The following RBFOX1 variants were observed in gnomAD, a reference collection of about 807,000 sequenced individuals.
RBFOX1 encodes RNA binding fox-1 homolog 1.
A neutral mutation model predicts 57.7 loss-of-function variants in RBFOX1; 8 were observed. The observed-to-expected ratio is 0.14, with a 90% CI of 0.08 to 0.25. The LOEUF (loss-of-function observed/expected upper bound fraction) is 0.25. RBFOX1 is among the 10% of genes least tolerant of loss of function. The pLI is 1.00. For missense variants in RBFOX1, 611 were observed against 548.5 expected, an observed-to-expected ratio of 1.11 and a Z score of -1.14; for synonymous variants, 326 against 222.4, an observed-to-expected ratio of 1.47 and a Z score of -4.15.
chr16:6,937,282 C>G (rs530062619), intron 3 of RBFOX1, among the ~76,000 whole-genome samples: 6 of 152,162 alleles, frequency 3.9e-5, no homozygotes, highest in Non-Finnish European at 5.9e-5. Flanking sequence ...ACGACCAACA[C>G]TGTTTCCTTT....
rs548174726 is a variant in RBFOX1 at position 7,067,416 on chromosome 16, TG to T, written c.27+15319del. ...TAAAACTGAAATGTCGCCAAGGCTG[TG>T]TTTCTTTTGGAGGCTCTAGGAGAGA... On this transcript the variant is annotated intron_variant, in intron 4 of 15. Transcript: ENST00000550418. 2.0e-5 allele frequency among the ~76,000 whole-genome samples: 3 copies of T among 152,176 alleles called. No homozygotes were observed. The South Asian group carries it at 6.2e-4, about 32-fold the overall frequency.
intron 3 of RBFOX1, among the ~76,000 whole-genome samples, chr16:6,879,855 G>GT (rs2062574745): frequency 6.6e-6 from 1 of 152,112 alleles, no homozygotes; most frequent in African/African-American, 2.4e-5. Context: ...GAGACATTTT[G>GT]AATTATCTCA....
intron 3 of RBFOX1, among the ~76,000 whole-genome samples, chr16:5,629,405 A>G (rs2048437297): frequency 6.6e-6 from 1 of 152,228 alleles, no homozygotes; most frequent in Admixed American, 6.5e-5. Flanking sequence ...TGCCAGTGGT[A>G]TAAATCCTTT....
chr16:5,867,253 T>C, intron 3 of RBFOX1: 1 of 1,140,666 alleles, frequency 8.8e-7, no homozygotes, highest in South Asian at 4.5e-5. Context: ...ATTAATCCAA[T>C]TACCTTCTTG....
chr16:7,428,274 T>G (rs1473531288), intron 4 of RBFOX1, among the ~76,000 whole-genome samples: 7 of 151,914 alleles, frequency 4.6e-5, no homozygotes, highest in African/African-American at 2.4e-5. Flanking sequence ...CAACTTTTTT[T>G]GTTGAATAAG....
chr16:6,435,165 C>T (rs1199144262), intron 2 of RBFOX1, among the ~76,000 whole-genome samples: 7 of 151,968 alleles, frequency 4.6e-5, no homozygotes, highest in African/African-American at 1.5e-4. Flanking sequence ...TCGTAGTGAA[C>T]GCATGTTACC....
intron 13 of RBFOX1, among the ~76,000 whole-genome samples, chr16:7,665,599 A>G (rs549741282): frequency 6.6e-6 from 1 of 152,300 alleles, no homozygotes; most frequent in East Asian, 1.9e-4. Context: ...AGAAAAGAGT[A>G]GGCTATTTCT....
intron 3 of RBFOX1, among the ~76,000 whole-genome samples, chr16:6,812,600 C>G (rs1179465514): frequency 6.6e-6 from 1 of 152,122 alleles, no homozygotes; most frequent in East Asian, 1.9e-4. Flanking sequence ...TGGTCTCAAA[C>G]TCCTGACCTC....
intron 3 of RBFOX1, among the ~76,000 whole-genome samples, chr16:6,803,549 A>G (rs1322127000): frequency 6.6e-6 from 1 of 152,198 alleles, no homozygotes; most frequent in Non-Finnish European, 1.5e-5. Context: ...AAACAGATAA[A>G]CAAAAATCAG....
intron 1 of RBFOX1, among the ~76,000 whole-genome samples, chr16:6,071,503 G>A (rs959114045): frequency 6.6e-6 from 1 of 151,180 alleles, no homozygotes; most frequent in Admixed American, 6.6e-5. Context: ...TAACAAACCT[G>A]CATGTGTAGT....
chr16:7,456,053 C>T (rs375239616), intron 4 of RBFOX1, among the ~76,000 whole-genome samples: 2 of 152,126 alleles, frequency 1.3e-5, no homozygotes, highest in Non-Finnish European at 2.9e-5. Flanking sequence ...TGAAGAGCCC[C>T]GCATGTGGTC....
chr16:6,982,168 G>T (rs1447404608), intron 3 of RBFOX1, among the ~76,000 whole-genome samples: 1 of 152,194 alleles, frequency 6.6e-6, no homozygotes, highest in African/African-American at 2.4e-5. Context: ...ATTGGATTGT[G>T]TATTCTCTGG....
At chr16:7,706,240 A>T (rs1167808025) in intron 14 of RBFOX1, among the ~76,000 whole-genome samples, 1 of 152,218 alleles carries the variant, frequency 6.6e-6, no homozygotes, top group Non-Finnish European at 1.5e-5. Flanking sequence ...AGCTGACATG[A>T]TCTCTTTTCC....
intron 3 of RBFOX1, among the ~76,000 whole-genome samples, chr16:5,710,080 A>G (rs1456090560): frequency 1.3e-5 from 2 of 151,002 alleles, no homozygotes; most frequent in Non-Finnish European, 2.9e-5. Flanking sequence ...ACAGCTCCTG[A>G]GTGGCTGGAT....
chr16:6,897,056 C>A (rs1456725672), intron 3 of RBFOX1, among the ~76,000 whole-genome samples: 5 of 152,156 alleles, frequency 3.3e-5, no homozygotes, highest in African/African-American at 1.2e-4. Flanking sequence ...TCCACACCTT[C>A]CTGAATGCTG....
intron 1 of RBFOX1, among the ~76,000 whole-genome samples, chr16:5,425,065 TTATC>T (rs71280727): frequency 0.22 from 15,042 of 68,224 alleles, 1,163 homozygotes; most frequent in Middle Eastern, 0.29. Context: ...CCTTCCTTTC[TTATC>T]TATCTATCTA....
rs947400945 is a variant in RBFOX1, at chr16:6,807,553, C to T, written c.-16+152903C>T. On this transcript the variant is annotated intron_variant, in intron 3 of 15. Transcript: ENST00000550418. Reference sequence around the variant, plus strand: ...CATACTATGGCGGAGTGTGGTGGCTCACACCTGTAATCCCAGCACTTTGGG... The same window carrying T: ...CATACTATGGCGGAGTGTGGTGGCTTACACCTGTAATCCCAGCACTTTGGG... Among the ~76,000 whole-genome samples the T allele has an allele frequency of 5.9e-5, 9 of 152,104 alleles. No individual in the cohort carries two copies. The South Asian group carries it at 6.2e-4, about 11-fold the overall frequency.
intron 2 of RBFOX1, among the ~76,000 whole-genome samples, chr16:6,486,446 A>T (rs1444476994): frequency 2.0e-5 from 3 of 152,160 alleles, no homozygotes; most frequent in African/African-American, 7.2e-5. Flanking sequence ...ATTATTATTA[A>T]TTAAACTTAG....
At chr16:6,886,763 AAAAACAAAAC>A (rs746075832) in intron 3 of RBFOX1, among the ~76,000 whole-genome samples, 1 of 42,206 alleles carries the variant, frequency 2.4e-5, no homozygotes, top group Non-Finnish European at 6.0e-5. Context: ...TGAAAAAAAC[AAAAACAAAAC>A]AAAACAAAAC....
Sources: allele counts gnomAD v4.1 joint callset (sites outside exome capture counted in the v4.1 genomes callset), GRCh38; gene constraint gnomAD v4.1.1; transcripts MANE v1.5; gene names NCBI Gene and HGNC (gene_info 2026-07-23, HGNC 2026-07-21).